GPHN: variants seen among roughly 807,000 people sequenced by gnomAD.
GPHN encodes gephyrin.
GPHN carries 17 observed loss-of-function variants against 95.5 expected under a neutral mutation model. The ratio of observed to expected loss-of-function variants is 0.18; its 90% CI spans 0.12 to 0.27. GPHN has a LOEUF of 0.27. Among genes scored for constraint, GPHN ranks in the 10% least tolerant of loss-of-function variants. GPHN has a pLI of 1.00. For missense variants in GPHN, 660 were observed against 978.1 expected (o/e 0.67, Z 4.34); for synonymous variants, 320 against 322.5 (o/e 0.99, Z 0.08).
chr14:66,990,263 T>G (rs1443005030), intron 9 of GPHN, among the ~76,000 whole-genome samples: 1 of 152,064 alleles, frequency 6.6e-6, no homozygotes, highest in Non-Finnish European at 1.5e-5. Flanking sequence ...GTTCCTCCCT[T>G]GACATGTGGA....
chr14:66,823,556 G>A (rs187487334), intron 3 of GPHN, among the ~76,000 whole-genome samples: 12 of 152,134 alleles, frequency 7.9e-5, no homozygotes, highest in Admixed American at 7.2e-4. Flanking sequence ...AAAATAGTTT[G>A]TTGCCATTAA....
the GPHN span, among the ~76,000 whole-genome samples, chr14:67,611,619 T>C: frequency 6.6e-6 from 1 of 152,118 alleles, no homozygotes; most frequent in Admixed American, 6.5e-5. Flanking sequence ...CCCTACTTTG[T>C]ATCGGTTGCA....
chr14:67,587,383 T>C, the GPHN span: 1 of 884,584 alleles, frequency 1.1e-6, no homozygotes, highest in Non-Finnish European at 1.8e-6. Context: ...GTGAAGCCTT[T>C]ACTCTCTAGG....
chr14:66,539,118 T>C (rs1000275426), intron 1 of GPHN, among the ~76,000 whole-genome samples: 3 of 152,186 alleles, frequency 2.0e-5, no homozygotes, highest in African/African-American at 7.2e-5. Flanking sequence ...AATTCTGTTC[T>C]TTAGAGGTTT....
At chr14:66,976,935 TCTCA>T (rs1197382760) in intron 9 of GPHN, among the ~76,000 whole-genome samples, 1 of 140,466 alleles carries the variant, frequency 7.1e-6, no homozygotes, top group African/African-American at 2.7e-5. Context: ...GGGAGTACAC[TCTCA>T]CTAGAAATCT....
At chr14:66,663,773 A>G (rs1476285002) in intron 1 of GPHN, among the ~76,000 whole-genome samples, 1 of 152,204 alleles carries the variant, frequency 6.6e-6, no homozygotes, top group East Asian at 1.9e-4. Flanking sequence ...AGGCTCAAAA[A>G]AGGATGGAGG....
At chr14:66,641,485 T>C (rs538948439) in intron 1 of GPHN, among the ~76,000 whole-genome samples, 3 of 152,286 alleles carry the variant, frequency 2.0e-5, no homozygotes, top group South Asian at 4.1e-4. Flanking sequence ...AGGGTAATTG[T>C]ATCAGGAAGT....
chr14:66,922,992 T>C lies in GPHN; in HGVS notation c.729+54T>C. 6 of 1,458,938 alleles carry C rather than the reference T, an allele frequency of 4.1e-6. No individual in the cohort carries two copies. In the South Asian group the frequency reaches 6.8e-5, roughly 17 times the overall value. The allele number at this position is 1,458,938 out of a possible 1,614,324, so 90.4% of individuals were successfully genotyped here. A position where few individuals can be genotyped will look rare whatever the true frequency, so the allele number is the denominator to read the frequency against. ...CTAAAGGACCCACAGGTAAATGTAC[T>C]GGTTTCATCTGTTTTGCATCGCATC... On this transcript the variant is annotated intron_variant, in intron 7 of 22. Coordinates refer to ENST00000478722, the MANE Select transcript of GPHN (RefSeq NM_020806.5).
At chr14:67,648,310 G>C in the GPHN span, 1 of 1,100,714 alleles carries the variant, frequency 9.1e-7, no homozygotes, top group Non-Finnish European at 1.3e-6. Context: ...AACTTTTGTA[G>C]CTAAAAATTA....
the GPHN span, among the ~76,000 whole-genome samples, chr14:67,446,572 C>A: frequency 6.6e-6 from 1 of 152,194 alleles, no homozygotes; most frequent in East Asian, 1.9e-4. Context: ...GTCCTGGCTT[C>A]TCCCCAGAAT....
the GPHN span, among the ~76,000 whole-genome samples, chr14:67,620,556 C>T: frequency 3.9e-5 from 6 of 152,166 alleles, no homozygotes; most frequent in Non-Finnish European, 8.8e-5. Flanking sequence ...GAGCTGGCCT[C>T]TCCAGCGCGG....
At chr14:67,360,648 G>A in the GPHN span, 1 of 159,084 alleles carries the variant, frequency 6.3e-6, no homozygotes, top group Non-Finnish European at 1.4e-5. Context: ...GTCATCCTGT[G>A]TTCCAGAGGC....
the GPHN span, among the ~76,000 whole-genome samples, chr14:67,695,218 C>T: frequency 6.6e-6 from 1 of 152,248 alleles, no homozygotes; most frequent in East Asian, 1.9e-4. Flanking sequence ...TTTCAGAGGG[C>T]GAAATGTGGA....
Position 66,691,086 on chromosome 14 carries a change from A to T in GPHN, c.143+9901A>T, listed in dbSNP as rs535997489. Among the ~76,000 whole-genome samples, 7 of 152,296 alleles carry T rather than the reference A, an allele frequency of 4.6e-5. No homozygotes were observed. In the East Asian group the frequency reaches 1.3e-3, roughly 29 times the overall value. ...GCTGGGTACAGTGGCTCACACCTAT[A>T]ATCCTGGCACTTTGGGAGACTGAGG... On this transcript the variant is annotated intron_variant, in intron 2 of 22. Transcript: ENST00000478722.
chr14:67,724,849 G>C, the GPHN span, among the ~76,000 whole-genome samples: 2 of 152,190 alleles, frequency 1.3e-5, no homozygotes, highest in Admixed American at 1.3e-4. Flanking sequence ...TATTCTAAAA[G>C]GAGATACTAA....
intron 1 of GPHN, among the ~76,000 whole-genome samples, chr14:66,655,173 T>G (rs1450493821): frequency 6.6e-6 from 1 of 152,198 alleles, no homozygotes; most frequent in Non-Finnish European, 1.5e-5. Flanking sequence ...TAATTTTGAT[T>G]GGTAACAAGC....
At position 66,998,884 on chromosome 14, in the gene GPHN, A is replaced by T. The variant is rs2072003613; in HGVS notation, c.964-24749A>T. 2.2e-5 allele frequency among the ~76,000 whole-genome samples: 3 copies of T among 138,818 alleles called. No individual in the cohort carries two copies. In the South Asian group the frequency reaches 6.9e-4, roughly 32 times the overall value. The allele number at this position is 138,818 out of a possible 152,430, so 91.1% of individuals were successfully genotyped here. A position where few individuals can be genotyped will look rare whatever the true frequency, so the allele number is the denominator to read the frequency against. On this transcript the variant is annotated intron_variant, in intron 9 of 22. Coordinates refer to ENST00000478722, the MANE Select transcript of GPHN (RefSeq NM_020806.5). Reference sequence around the variant, plus strand: ...GTAGTTATGGTCCCTTTGTAAAAAAAAAAAATATATATATATATATACACA... The same window carrying T: ...GTAGTTATGGTCCCTTTGTAAAAAATAAAAATATATATATATATATACACA...
At chr14:67,664,274 G>A in the GPHN span, among the ~76,000 whole-genome samples, 1 of 152,004 alleles carries the variant, frequency 6.6e-6, no homozygotes, top group Non-Finnish European at 1.5e-5. Context: ...CTGAAATTCC[G>A]TACCCATCAA....
intron 2 of GPHN, among the ~76,000 whole-genome samples, chr14:66,700,769 A>G (rs2068484263): frequency 1.3e-5 from 2 of 152,110 alleles, no homozygotes. Flanking sequence ...CTAAAAATAC[A>G]AAAATTAGCT....
Sources: allele counts gnomAD v4.1 joint callset (sites outside exome capture counted in the v4.1 genomes callset), GRCh38; gene constraint gnomAD v4.1.1; transcripts MANE v1.5; gene names NCBI Gene and HGNC (gene_info 2026-07-23, HGNC 2026-07-21).